NALF1: variants seen among roughly 807,000 people sequenced by gnomAD.
NALF1 encodes family with sequence similarity 155 member A.
NALF1 carries 3 observed loss-of-function variants against 48.4 expected under a neutral mutation model. The observed-to-expected ratio is 0.06, with a 90% CI of 0.03 to 0.16. The LOEUF is 0.16. NALF1 is among the 10% of genes least tolerant of loss of function. The pLI, the probability that NALF1 is intolerant of heterozygous loss-of-function variation, is 1.00. For synonymous variants in NALF1, 262 were observed against 245.7 expected (o/e 1.07, Z -0.62); for missense variants, 526 against 571.5 (o/e 0.92, Z 0.81).
At chr13:107,792,451 C>G (rs906942601) in intron 1 of NALF1, among the ~76,000 whole-genome samples, 1 of 152,092 alleles carries the variant, frequency 6.6e-6, no homozygotes, top group African/African-American at 2.4e-5. Context: ...TTATAAAACA[C>G]AAATTTGTAC....
chr13:107,529,357 A>T (rs1032636373), intron 1 of NALF1, among the ~76,000 whole-genome samples: 14 of 152,230 alleles, frequency 9.2e-5, no homozygotes, highest in Non-Finnish European at 2.9e-5. Context: ...CAGATAAAAA[A>T]GATGAGTAGC....
At chr13:107,488,837 C>G (rs981209813) in intron 1 of NALF1, among the ~76,000 whole-genome samples, 3 of 152,004 alleles carry the variant, frequency 2.0e-5, no homozygotes, top group Admixed American at 6.6e-5. Flanking sequence ...TCAAATTATC[C>G]CTGTTTGCAG....
At chr13:107,782,468 C>T (rs1374793493) in intron 1 of NALF1, among the ~76,000 whole-genome samples, 1 of 152,104 alleles carries the variant, frequency 6.6e-6, no homozygotes, top group African/African-American at 2.4e-5. Flanking sequence ...CTCTGCCCGG[C>T]CGCCACCCCG....
intron 1 of NALF1, among the ~76,000 whole-genome samples, chr13:107,477,258 T>G (rs2139057523): frequency 6.6e-6 from 1 of 152,214 alleles, no homozygotes; most frequent in Non-Finnish European, 1.5e-5. Flanking sequence ...TGTAAGTCAG[T>G]AAATAACTTC....
chr13:107,248,961 CA>C (rs5806638), intron 1 of NALF1, among the ~76,000 whole-genome samples: 18,954 of 150,528 alleles, frequency 0.13, 1,543 homozygotes, highest in East Asian at 0.4. Flanking sequence ...TGTACACACA[CA>C]TATATATATG....
At chr13:107,575,998 A>G (rs79826380) in intron 1 of NALF1, among the ~76,000 whole-genome samples, 15 of 150,910 alleles carry the variant, frequency 9.9e-5, no homozygotes, top group African/African-American at 1.7e-4. Flanking sequence ...GTGCATGTAT[A>G]TGTGTGTGTG....
chr13:107,596,518 G>A lies in NALF1; in HGVS notation c.915+269164C>T, dbSNP rs115066399. Among the ~76,000 whole-genome samples, 604 of 152,282 alleles carry A rather than the reference G, an allele frequency of 4.0e-3. 3 individuals carry two copies. The highest frequency in any genetic ancestry group is 0.014 in the African/African-American group (568 of 41,552). ...AAAAATGTATGAGTTCATGTCCTTT[G>A]CAGAAACGTGGATGAAGTTGGAAAC... On this transcript the variant is annotated intron_variant, in intron 1 of 2. Coordinates refer to ENST00000375915, the MANE Select transcript of NALF1 (RefSeq NM_001080396.3).
chr13:107,480,720 A>C (rs1885242179), intron 1 of NALF1, among the ~76,000 whole-genome samples: 1 of 152,190 alleles, frequency 6.6e-6, no homozygotes, highest in Non-Finnish European at 1.5e-5. Context: ...AGAACATTTA[A>C]ATCTGTTTAT....
chr13:107,446,895 T>A (rs758650411), intron 1 of NALF1, among the ~76,000 whole-genome samples: 1 of 152,248 alleles, frequency 6.6e-6, no homozygotes, highest in Non-Finnish European at 1.5e-5. Flanking sequence ...AACAATCACA[T>A]GAATATTAAG....
intron 1 of NALF1, among the ~76,000 whole-genome samples, chr13:107,356,536 A>G (rs1250153355): frequency 6.6e-6 from 1 of 152,184 alleles, no homozygotes; most frequent in Non-Finnish European, 1.5e-5. Context: ...CATTCTATCT[A>G]TACGATTTTT....
At chr13:107,781,888 T>C (rs1465109062) in intron 1 of NALF1, among the ~76,000 whole-genome samples, 2 of 152,226 alleles carry the variant, frequency 1.3e-5, no homozygotes, top group Middle Eastern at 3.2e-3. Context: ...GTATAGTCTG[T>C]TGAATGAATA....
chr13:107,675,018 G>A (rs1273683271), intron 1 of NALF1, among the ~76,000 whole-genome samples: 2 of 152,164 alleles, frequency 1.3e-5, no homozygotes, highest in African/African-American at 4.8e-5. Flanking sequence ...AAGTGAGGAC[G>A]ACACCTTGAG....
At chr13:107,833,011 T>C (rs1489059278) in intron 1 of NALF1, among the ~76,000 whole-genome samples, 4 of 152,188 alleles carry the variant, frequency 2.6e-5, no homozygotes, top group Non-Finnish European at 5.9e-5. Context: ...GTCAGCACTT[T>C]TTCCATTCTT....
intron 1 of NALF1, among the ~76,000 whole-genome samples, chr13:107,795,944 G>A (rs1251977975): frequency 6.6e-6 from 1 of 152,026 alleles, no homozygotes; most frequent in African/African-American, 2.4e-5. Flanking sequence ...TTTGAATATG[G>A]AGAAAAATCA....
chr13:107,571,823 T>G (rs1877993655), intron 1 of NALF1, among the ~76,000 whole-genome samples: 1 of 152,184 alleles, frequency 6.6e-6, no homozygotes, highest in Non-Finnish European at 1.5e-5. Flanking sequence ...ATTTGAGAAT[T>G]GCTTGGTGTG....
At chr13:107,768,308 G>T (rs1453947991) in intron 1 of NALF1, among the ~76,000 whole-genome samples, 1 of 152,124 alleles carries the variant, frequency 6.6e-6, no homozygotes, top group Non-Finnish European at 1.5e-5. Flanking sequence ...CTGTATAATT[G>T]TGGCAAGTTA....
intron 1 of NALF1, among the ~76,000 whole-genome samples, chr13:107,392,111 T>C (rs1050872723): frequency 3.3e-4 from 51 of 152,244 alleles, no homozygotes; most frequent in Non-Finnish European, 3.1e-4. Flanking sequence ...CTGCCTCTTA[T>C]CCTCAAATTG....
At position 107,434,754 on chromosome 13, in the gene NALF1, C is replaced by A. The variant is rs563200563; in HGVS notation, c.916-223999G>T. Among the ~76,000 whole-genome samples the A allele has an allele frequency of 2.0e-5, 3 of 152,258 alleles. No homozygotes were observed. In the South Asian group the frequency reaches 6.2e-4, roughly 32 times the overall value. On this transcript the variant is annotated intron_variant, in intron 1 of 2. Transcript: ENST00000375915. The stretch of plus-strand genomic sequence containing the variant: ...ATATCCTCTCAATAATACATTTGCC[C>A]CATTTTGCAAATGCAGAGAATATTT...
intron 1 of NALF1, among the ~76,000 whole-genome samples, chr13:107,697,612 G>A (rs1881728402): frequency 6.6e-6 from 1 of 151,902 alleles, no homozygotes; most frequent in South Asian, 2.1e-4. Flanking sequence ...TTATTGGTTT[G>A]AAATACCTTT....
Sources: allele counts gnomAD v4.1 joint callset (sites outside exome capture counted in the v4.1 genomes callset), GRCh38; gene constraint gnomAD v4.1.1; transcripts MANE v1.5; gene names NCBI Gene and HGNC (gene_info 2026-07-23, HGNC 2026-07-21).